Variants in IL1RAPL1 observed in about 807,000 individuals in gnomAD.
The protein encoded by IL1RAPL1 is interleukin-1 receptor accessory protein-like 1.
In IL1RAPL1, 3 loss-of-function variants were observed where a neutral mutation model predicts 48.4. The ratio of observed to expected loss-of-function variants is 0.06; its 90% CI spans 0.03 to 0.16. The LOEUF (loss-of-function observed/expected upper bound fraction) is 0.16, where lower values mean the gene tolerates loss of function less well. Among genes scored for constraint, IL1RAPL1 ranks in the 10% least tolerant of loss-of-function variants. The probability of loss-of-function intolerance (pLI) is 1.00; values close to 1 mark genes in which losing one functional copy is unlikely to be tolerated. For synonymous variants in IL1RAPL1, 185 were observed against 187.7 expected, an observed-to-expected ratio of 0.99 and a Z score of 0.12; for missense variants, 349 against 530.6, an observed-to-expected ratio of 0.66 and a Z score of 3.36.
At chrX:29,263,040 A>G (rs1027483635) in intron 2 of IL1RAPL1, among the ~76,000 whole-genome samples, 1 of 111,851 alleles carries the variant, frequency 8.9e-6, no homozygotes, top group Non-Finnish European at 1.9e-5. Flanking sequence ...TTTTTCTACC[A>G]GATGCTCGAA....
chrX:28,737,172 TCC>T (rs1935843800), intron 1 of IL1RAPL1, among the ~76,000 whole-genome samples: 1 of 78,921 alleles, frequency 1.3e-5, no homozygotes, highest in African/African-American at 4.9e-5. Context: ...CTTCCTTCCT[TCC>T]TTCCTTTCTT....
At chrX:29,185,907 A>G (rs984929894) in intron 2 of IL1RAPL1, among the ~76,000 whole-genome samples, 1 of 111,481 alleles carries the variant, frequency 9.0e-6, no homozygotes, top group African/African-American at 3.3e-5. Flanking sequence ...AAGGAAATAA[A>G]GAGGTATTCT....
At chrX:28,696,728 T>TA (rs199643093) in intron 1 of IL1RAPL1, among the ~76,000 whole-genome samples, 1 of 110,997 alleles carries the variant, frequency 9.0e-6, no homozygotes, top group African/African-American at 3.3e-5. Flanking sequence ...ATTTTATAAG[T>TA]AAAAAAAATA....
At chrX:29,397,593 C>T (rs1260777372) in intron 4 of IL1RAPL1, among the ~76,000 whole-genome samples, 1 of 110,297 alleles carries the variant, frequency 9.1e-6, no homozygotes, top group Non-Finnish European at 1.9e-5. Flanking sequence ...TTTTCTTTTT[C>T]TCTTTTTTTA....
At chrX:28,872,265 C>T (rs1922227543) in intron 2 of IL1RAPL1, among the ~76,000 whole-genome samples, 1 of 111,682 alleles carries the variant, frequency 9.0e-6, no homozygotes, top group South Asian at 3.8e-4. Flanking sequence ...AGCATCCTCC[C>T]ACCTTGGCTT....
Position 29,339,097 on chromosome X carries a change from C to G in IL1RAPL1, c.362+55880C>G, listed in dbSNP as rs772246268. ...AAATACACACACACACACACACACA[C>G]ACACACACACACACACGCACACACT... On this transcript the variant is annotated intron_variant, in intron 3 of 10. Transcript: ENST00000378993. Among the ~76,000 whole-genome samples the G allele has an allele frequency of 2.7e-5, 3 of 109,783 alleles. No homozygotes were observed. The South Asian group carries it at 1.2e-3, about 43-fold the overall frequency.
At chrX:28,786,608 G>T (rs1252747438) in intron 1 of IL1RAPL1, among the ~76,000 whole-genome samples, 3 of 111,966 alleles carry the variant, frequency 2.7e-5, no homozygotes, top group Non-Finnish European at 5.6e-5. Context: ...GAGGTTATTT[G>T]TTCCAAATCA....
chrX:29,188,165 A>G (rs1220151977), intron 2 of IL1RAPL1, among the ~76,000 whole-genome samples: 2 of 111,239 alleles, frequency 1.8e-5, no homozygotes, highest in African/African-American at 6.5e-5. Context: ...TCCACAGACT[A>G]CTCCTCTGTG....
At chrX:29,013,723 G>C (rs375456477) in intron 2 of IL1RAPL1, among the ~76,000 whole-genome samples, 5 of 110,781 alleles carry the variant, frequency 4.5e-5, no homozygotes, top group Middle Eastern at 4.6e-3. Flanking sequence ...GGTGGATGGT[G>C]GGGGAGGGAG....
intron 3 of IL1RAPL1, among the ~76,000 whole-genome samples, chrX:29,336,061 G>A (rs1183687571): frequency 9.6e-6 from 1 of 103,883 alleles, no homozygotes; most frequent in East Asian, 3.0e-4. Context: ...CCAATCACTG[G>A]TATTAAAAAA....
intron 1 of IL1RAPL1, among the ~76,000 whole-genome samples, chrX:28,625,958 G>A (rs1384317263): frequency 8.9e-6 from 1 of 111,924 alleles, no homozygotes; most frequent in Non-Finnish European, 1.9e-5. Context: ...ACTTTATTAA[G>A]TCCACAGAGA....
chrX:28,836,523 A>G, intron 2 of IL1RAPL1, among the ~76,000 whole-genome samples: 1 of 108,866 alleles, frequency 9.2e-6, no homozygotes, highest in East Asian at 2.9e-4. Flanking sequence ...GGAAAACAAG[A>G]CCATTTGTCT....
chrX:28,938,844 C>A (rs1386965783), intron 2 of IL1RAPL1, among the ~76,000 whole-genome samples: 1 of 109,786 alleles, frequency 9.1e-6, no homozygotes, highest in Non-Finnish European at 1.9e-5. Flanking sequence ...AAAACAGTCC[C>A]ATTAAAAAGT....
chrX:29,390,234 A>G, intron 3 of IL1RAPL1, among the ~76,000 whole-genome samples: 1 of 111,562 alleles, frequency 9.0e-6, no homozygotes, highest in Admixed American at 9.6e-5. Flanking sequence ...GCTGCCTTCC[A>G]GACAGTTCAC....
chrX:28,601,519 C>T (rs1454788821), intron 1 of IL1RAPL1, among the ~76,000 whole-genome samples: 1 of 111,314 alleles, frequency 9.0e-6, no homozygotes, highest in African/African-American at 3.3e-5. Flanking sequence ...TAAATAACCA[C>T]TTTGGCAATT....
intron 2 of IL1RAPL1, among the ~76,000 whole-genome samples, chrX:28,972,186 A>G (rs1489134355): frequency 9.0e-6 from 1 of 111,339 alleles, no homozygotes; most frequent in Admixed American, 9.6e-5. Flanking sequence ...ATTTAAAAGC[A>G]GTCCAGATCT....
At chrX:28,733,674 G>A (rs908073010) in intron 1 of IL1RAPL1, among the ~76,000 whole-genome samples, 1 of 111,198 alleles carries the variant, frequency 9.0e-6, no homozygotes, top group Admixed American at 9.6e-5. Context: ...TAGACTTCTC[G>A]ATGATGGAAG....
In IL1RAPL1 at chrX:29,920,052, G is replaced by A; in HGVS notation, c.1015G>A (p.Gly339Arg). ...LGNYSCYVEN[G>R]NGRRHASVLL... is the part of the protein sequence containing the mutation. ...AAATTACTCCTGTTATGTTGAAAAT[G>A]GAAATGGACGTCGACACGCCAGCGT... Residue 339 changes from glycine to arginine, a missense_variant, in exon 8 of 11, where the codon GGA becomes AGA. Transcript: ENST00000378993. The A allele has an allele frequency of 8.3e-7, 1 of 1,211,236 alleles. No homozygotes were observed. Among genetic ancestry groups the A allele is most frequent in the South Asian group, 1.8e-5 (1 of 56,987 alleles).
intron 5 of IL1RAPL1, among the ~76,000 whole-genome samples, chrX:29,412,535 GATA>G (rs1296784041): frequency 8.9e-6 from 1 of 112,375 alleles, no homozygotes; most frequent in Non-Finnish European, 1.9e-5. Context: ...ATGTTGAAGT[GATA>G]ATATTTAGTT....
Sources: allele counts gnomAD v4.1 joint callset (sites outside exome capture counted in the v4.1 genomes callset), GRCh38; gene constraint gnomAD v4.1.1; transcripts MANE v1.5; gene names NCBI Gene and HGNC (gene_info 2026-07-23, HGNC 2026-07-21).